PAK5: variants seen among roughly 807,000 people sequenced by gnomAD.
PAK5 encodes p21 (RAC1) activated kinase 5.
In PAK5, 16 loss-of-function variants were observed where a neutral mutation model predicts 65.9. That is an observed-to-expected ratio of 0.24 (90% confidence interval 0.16 to 0.37). The LOEUF is 0.37. PAK5 is among the 10% of genes least tolerant of loss of function. The pLI is 1.00. For missense variants in PAK5, 785 were observed against 903.9 expected (o/e 0.87, Z 1.69); for synonymous variants, 371 against 354.9 (o/e 1.05, Z -0.51).
chr20:9,611,995 G>A (rs145298520), intron 3 of PAK5, among the ~76,000 whole-genome samples: 60 of 152,210 alleles, frequency 3.9e-4, no homozygotes, highest in Middle Eastern at 6.8e-3. Flanking sequence ...CTAGGGAGCC[G>A]TCCTGAAAAA....
intron 3 of PAK5, among the ~76,000 whole-genome samples, chr20:9,614,983 C>T (rs2046628969): frequency 3.9e-5 from 6 of 151,918 alleles, no homozygotes; most frequent in Admixed American, 3.9e-4. Context: ...TTATTGTAGC[C>T]ACAATGTATT....
Position 9,608,437 on chromosome 20 carries a change from T to C in PAK5, c.205-27507A>G, listed in dbSNP as rs113608742. Among the ~76,000 whole-genome samples the C allele has an allele frequency of 9.6e-4, 146 of 152,340 alleles. 1 individual carries two copies. The highest frequency in any genetic ancestry group is 3.2e-3 in the African/African-American group (134 of 41,576). On this transcript the variant is annotated intron_variant, in intron 3 of 9. Coordinates refer to ENST00000353224, the MANE Select transcript of PAK5 (RefSeq NM_177990.4). The stretch of plus-strand genomic sequence containing the variant: ...ACTCCAGCGCTTGGAGGACAGCCAG[T>C]CAGTCCAAAACTTGAGGTGGAAGCA...
intron 6 of PAK5, among the ~76,000 whole-genome samples, chr20:9,562,084 C>G (rs1220982977): frequency 1.3e-5 from 2 of 152,178 alleles, no homozygotes; most frequent in Non-Finnish European, 2.9e-5. Context: ...TCTTAGTGAA[C>G]TCCTATTCGC....
At chr20:9,554,696 C>A (rs2045480820) in intron 7 of PAK5, among the ~76,000 whole-genome samples, 2 of 152,140 alleles carry the variant, frequency 1.3e-5, no homozygotes, top group African/African-American at 4.8e-5. Context: ...CTTGGAGTAG[C>A]CACACTCCAT....
chr20:9,750,621 T>C (rs1157127363), intron 1 of PAK5, among the ~76,000 whole-genome samples: 2 of 152,078 alleles, frequency 1.3e-5, no homozygotes, highest in African/African-American at 2.4e-5. Flanking sequence ...ATAAAGTAAT[T>C]TATGAAATTT....
At chr20:9,684,912 A>C (rs1301263558) in intron 2 of PAK5, among the ~76,000 whole-genome samples, 3 of 152,152 alleles carry the variant, frequency 2.0e-5, no homozygotes, top group Admixed American at 6.6e-5. Context: ...TCATTCTCAG[A>C]GGAGGCTGCT....
At chr20:9,797,021 T>A (rs1206898966) in intron 1 of PAK5, among the ~76,000 whole-genome samples, 1 of 151,858 alleles carries the variant, frequency 6.6e-6, no homozygotes, top group East Asian at 1.9e-4. Context: ...GTAAAAGTGT[T>A]CCTATTTCTC....
chr20:9,586,282 T>A (rs6140970), intron 3 of PAK5, among the ~76,000 whole-genome samples: 9,298 of 152,188 alleles, frequency 0.061, 434 homozygotes, highest in East Asian at 0.27. Context: ...CCCTGTGTGA[T>A]TCCTTTGAGA....
chr20:9,562,464 C>T (rs980791905), intron 6 of PAK5, among the ~76,000 whole-genome samples: 2 of 152,196 alleles, frequency 1.3e-5, no homozygotes, highest in Non-Finnish European at 2.9e-5. Context: ...CTGTGCCACC[C>T]AGATTCATTA....
chr20:9,627,230 A>G (rs1488237532), intron 3 of PAK5, among the ~76,000 whole-genome samples: 1 of 152,188 alleles, frequency 6.6e-6, no homozygotes, highest in East Asian at 1.9e-4. Context: ...TGGCTTTAGG[A>G]CATGGAGATT....
chr20:9,675,818 C>T (rs951283265), intron 2 of PAK5, among the ~76,000 whole-genome samples: 5 of 152,288 alleles, frequency 3.3e-5, no homozygotes, highest in Admixed American at 2.0e-4. Context: ...CAACTGATAC[C>T]ATGTGTCTTG....
At chr20:9,612,513 A>T (rs1417692155) in intron 3 of PAK5, among the ~76,000 whole-genome samples, 1 of 152,134 alleles carries the variant, frequency 6.6e-6, no homozygotes, top group Admixed American at 6.5e-5. Context: ...CCAGAGCAGG[A>T]GCAAGAGAGA....
At chr20:9,714,174 G>A (rs1162227927) in intron 1 of PAK5, among the ~76,000 whole-genome samples, 2 of 151,960 alleles carry the variant, frequency 1.3e-5, no homozygotes, top group Non-Finnish European at 2.9e-5. Context: ...CAGAGCCCGG[G>A]TATTTTCTTC....
chr20:9,694,669 T>C (rs1419363196), intron 2 of PAK5, among the ~76,000 whole-genome samples: 1 of 152,086 alleles, frequency 6.6e-6, no homozygotes, highest in East Asian at 1.9e-4. Context: ...CATACAATTC[T>C]AAGTGTGTTT....
At chr20:9,836,938 G>A (rs1979196389) in intron 1 of PAK5, among the ~76,000 whole-genome samples, 1 of 152,134 alleles carries the variant, frequency 6.6e-6, no homozygotes, top group South Asian at 2.1e-4. Context: ...AAACATAGAA[G>A]AGTCAGAGTT....
At chr20:9,687,474 T>C (rs2047734693) in intron 2 of PAK5, among the ~76,000 whole-genome samples, 1 of 152,202 alleles carries the variant, frequency 6.6e-6, no homozygotes, top group Admixed American at 6.5e-5. Flanking sequence ...TTTTACCATA[T>C]CATTTTGAAT....
At chr20:9,805,862 C>G (rs1452781164) in intron 1 of PAK5, among the ~76,000 whole-genome samples, 1 of 152,182 alleles carries the variant, frequency 6.6e-6, no homozygotes, top group Admixed American at 6.5e-5. Context: ...AAATCAGGTG[C>G]AGTTCTCACG....
At chr20:9,557,769 G>A (rs1262170461) in intron 6 of PAK5, 35 bp from the exon 7 acceptor site, 1 of 1,584,612 alleles carries the variant, frequency 6.3e-7, no homozygotes, top group South Asian at 1.1e-5. Context: ...AACAAGACAG[G>A]TTTAAGAACA....
At chr20:9,823,608 C>G (rs534148243) in intron 1 of PAK5, among the ~76,000 whole-genome samples, 2 of 152,206 alleles carry the variant, frequency 1.3e-5, no homozygotes, top group Admixed American at 1.3e-4. Context: ...ACCATGATTG[C>G]GTGGCCTTCC....
Sources: allele counts gnomAD v4.1 joint callset (sites outside exome capture counted in the v4.1 genomes callset), GRCh38; gene constraint gnomAD v4.1.1; transcripts MANE v1.5; gene names NCBI Gene and HGNC (gene_info 2026-07-23, HGNC 2026-07-21).